STX8: variants seen among roughly 807,000 people sequenced by gnomAD.
STX8 encodes the protein syntaxin-8.
Under a neutral mutation model 37.5 loss-of-function variants are expected in STX8, and 23 were observed. The observed-to-expected ratio is 0.61, with a 90% CI of 0.44 to 0.87. The LOEUF is 0.87. STX8 is among the 40% of genes least tolerant of loss of function. The pLI is 0.00. For missense variants in STX8, 313 were observed against 284.7 expected (o/e 1.10, Z -0.71); for synonymous variants, 115 against 99.1 (o/e 1.16, Z -0.95).
chr17:9,273,216 A>G (rs1196861952), intron 7 of STX8: 1 of 152,174 alleles, frequency 6.6e-6, no homozygotes, highest in Non-Finnish European at 1.5e-5. Flanking sequence ...CCTCAAACAA[A>G]CTTACCTCTC....
At chr17:9,368,975 C>T (rs1261839848) in intron 7 of STX8, among the ~76,000 whole-genome samples, 1 of 150,958 alleles carries the variant, frequency 6.6e-6, no homozygotes, top group East Asian at 1.9e-4. Flanking sequence ...GGCTGAAGTG[C>T]AGTGGCACAA....
At chr17:9,544,296 G>C (rs998155364) in intron 4 of STX8, among the ~76,000 whole-genome samples, 1 of 152,140 alleles carries the variant, frequency 6.6e-6, no homozygotes, top group Non-Finnish European at 1.5e-5. Flanking sequence ...CAATTCTAAA[G>C]AGGTAGCAAT....
At chr17:9,362,303 T>A (rs562756738) in intron 7 of STX8, among the ~76,000 whole-genome samples, 63 of 152,222 alleles carry the variant, frequency 4.1e-4, no homozygotes, top group Admixed American at 1.0e-3. Context: ...CGGGCCTGCA[T>A]GACAGTGTGA....
chr17:9,341,030 A>AC (rs1910339643), intron 7 of STX8, among the ~76,000 whole-genome samples: 1 of 147,938 alleles, frequency 6.8e-6, no homozygotes, highest in Non-Finnish European at 1.5e-5. Flanking sequence ...TATATATATA[A>AC]ATTATAAATT....
rs144970555 is a variant in STX8, at chr17:9,551,071, G to A, written c.213-5789C>T. ...GACTGGGCAACAAGAGTGAAACTCC[G>A]TCTCAAAAAAAAATAGAATTTAGGT... On this transcript the variant is annotated intron_variant, in intron 3 of 7. Transcript: ENST00000306357. 7.4e-3 allele frequency among the ~76,000 whole-genome samples: 1,119 copies of A among 152,078 alleles called. 6 individuals carry two copies. The highest frequency in any genetic ancestry group is 0.011 in the Non-Finnish European group (775 of 67,976).
intron 7 of STX8, among the ~76,000 whole-genome samples, chr17:9,294,233 G>GT (rs1421149545): frequency 2.0e-5 from 3 of 152,182 alleles, no homozygotes; most frequent in Non-Finnish European, 2.9e-5. Flanking sequence ...GAGAGATGGC[G>GT]TAACACAAGA....
intron 6 of STX8, among the ~76,000 whole-genome samples, chr17:9,390,207 T>C (rs1172882968): frequency 6.6e-6 from 1 of 152,112 alleles, no homozygotes; most frequent in East Asian, 1.9e-4. Flanking sequence ...TAAACCATGG[T>C]CTCTCATCTA....
At chr17:9,573,337 A>G (rs1907758999) in intron 1 of STX8, among the ~76,000 whole-genome samples, 1 of 152,134 alleles carries the variant, frequency 6.6e-6, no homozygotes, top group African/African-American at 2.4e-5. Context: ...TTTGCATAAT[A>G]AAATCTTGGT....
At chr17:9,517,657 T>C (rs1267367534) in intron 4 of STX8, among the ~76,000 whole-genome samples, 2 of 151,966 alleles carry the variant, frequency 1.3e-5, no homozygotes, top group Non-Finnish European at 2.9e-5. Flanking sequence ...TTCAGAGGTT[T>C]CATAAAGGTA....
intron 7 of STX8, among the ~76,000 whole-genome samples, chr17:9,312,899 G>T (rs1909242559): frequency 6.6e-6 from 1 of 152,082 alleles, no homozygotes; most frequent in Admixed American, 6.6e-5. Flanking sequence ...GGGTTAAAGA[G>T]GTCACTGTGG....
chr17:9,500,241 G>A (rs1288604292), intron 5 of STX8, among the ~76,000 whole-genome samples: 1 of 152,176 alleles, frequency 6.6e-6, no homozygotes, highest in Non-Finnish European at 1.5e-5. Flanking sequence ...ACAGGCACCA[G>A]ACTTCCTTCT....
chr17:9,501,188 G>A (rs1485570886), intron 5 of STX8, among the ~76,000 whole-genome samples: 2 of 152,040 alleles, frequency 1.3e-5, no homozygotes, highest in African/African-American at 4.8e-5. Context: ...TGCCCAGGAA[G>A]CTTTCTTTTG....
intron 6 of STX8, among the ~76,000 whole-genome samples, chr17:9,426,737 G>C (rs1913645653): frequency 6.6e-6 from 1 of 152,094 alleles, no homozygotes; most frequent in Admixed American, 6.5e-5. Context: ...ACTCCAGCCT[G>C]GGTGACAGTG....
chr17:9,524,762 ATTTGTTTTGT>A (rs895379308), intron 4 of STX8, among the ~76,000 whole-genome samples: 1 of 136,666 alleles, frequency 7.3e-6, no homozygotes, highest in African/African-American at 2.9e-5. Context: ...ACCTATTTTG[ATTTGTTTTGT>A]TTTGTTTTGT....
At chr17:9,502,474 C>T (rs1346483857) in intron 5 of STX8, among the ~76,000 whole-genome samples, 2 of 152,156 alleles carry the variant, frequency 1.3e-5, no homozygotes, top group African/African-American at 4.8e-5. Flanking sequence ...TGAGCTTATA[C>T]ATAAGTTAAT....
rs59077711 is a variant in STX8, at chr17:9,402,098, G to GTTTA, written c.542-23449_542-23446dup. Among the ~76,000 whole-genome samples, 605 of 150,606 alleles carry GTTTA rather than the reference G, an allele frequency of 4.0e-3. 10 individuals are homozygous for GTTTA. The East Asian group carries it at 0.05, about 12-fold the overall frequency. On this transcript the variant is annotated intron_variant, in intron 6 of 7. Coordinates refer to ENST00000306357, the MANE Select transcript of STX8 (RefSeq NM_004853.3). ...ACGTTTTCAATAGCCCTTGTATTTT[G>GTTTA]TTTATTTATTTATTTATTTATTTAT... is the stretch of plus-strand genomic sequence containing the variant.
Position 9,491,914 on chromosome 17 carries a change from G to A in STX8, c.456C>T (p.Asp152=), listed in dbSNP as rs9893664. The A allele has an allele frequency of 0.81, 1,309,114 of 1,609,802 alleles. 537,730 individuals carry two copies. Among genetic ancestry groups the A allele is most frequent in the Middle Eastern group, 0.89 (5,350 of 6,038 alleles). ...QQQQKIIQEQ[D]AGLDALSSII... is the part of the protein sequence containing the mutation. ...TAGAGGAAAGGGCATCAAGGCCTGC[G>A]TCCTGTTCTGAAAGAAAAAAGAAAA... The change falls in exon 6 of 8, where the codon GAC becomes GAT. Residue 152 remains aspartate (D), a synonymous_variant. Transcript: ENST00000306357.
At chr17:9,521,091 T>A (rs1905322558) in intron 4 of STX8, among the ~76,000 whole-genome samples, 5 of 152,240 alleles carry the variant, frequency 3.3e-5, no homozygotes, top group Non-Finnish European at 7.3e-5. Context: ...AATATAAAGA[T>A]GCACAGAGGC....
At chr17:9,373,107 C>CAA (rs11317325) in intron 7 of STX8, among the ~76,000 whole-genome samples, 12 of 96,010 alleles carry the variant, frequency 1.2e-4, no homozygotes, top group Admixed American at 3.6e-4. Context: ...GACTCCATCT[C>CAA]AAAAAAAAAA....
Sources: gnomAD v4.1 joint callset for allele counts (sites outside exome capture counted in the v4.1 genomes callset) on GRCh38, gnomAD v4.1.1 for gene constraint, MANE v1.5 for transcripts, NCBI Gene and HGNC (gene_info 2026-07-23, HGNC 2026-07-21) for gene names.